Variants in SUCLG2 observed in about 807,000 individuals in gnomAD.
The protein encoded by SUCLG2 is succinate--CoA ligase [GDP-forming] subunit beta, mitochondrial.
SUCLG2 carries 42 observed loss-of-function variants against 47.9 expected under a neutral mutation model. The ratio of observed to expected loss-of-function variants is 0.88; its 90% confidence interval spans 0.69 to 1.14. SUCLG2 has a LOEUF of 1.14. SUCLG2 is among the 50% of genes most tolerant of loss of function. The probability of loss-of-function intolerance (pLI) is 0.00; values close to 1 mark genes in which losing one functional copy is unlikely to be tolerated. For missense variants in SUCLG2, 571 were observed against 525.9 expected, an observed-to-expected ratio of 1.09 and a Z score of -0.84; for synonymous variants, 195 against 197.3, an observed-to-expected ratio of 0.99 and a Z score of 0.10.
chr3:67,586,123 T>C (rs966539388), intron 2 of SUCLG2, among the ~76,000 whole-genome samples: 5 of 152,222 alleles, frequency 3.3e-5, no homozygotes, highest in Non-Finnish European at 7.3e-5. Flanking sequence ...CTTGTGCAGT[T>C]AAATAAATAG....
At chr3:67,611,871 C>A (rs1426676199) in intron 1 of SUCLG2, among the ~76,000 whole-genome samples, 4 of 152,186 alleles carry the variant, frequency 2.6e-5, no homozygotes, top group African/African-American at 9.6e-5. Context: ...TGAAAGCCAG[C>A]TTGAAGTCTG....
At chr3:67,400,058 A>G (rs1369469887) in intron 10 of SUCLG2, among the ~76,000 whole-genome samples, 1 of 152,118 alleles carries the variant, frequency 6.6e-6, no homozygotes, top group Non-Finnish European at 1.5e-5. Flanking sequence ...AACTACTCCC[A>G]TTTTGAAAAA....
chr3:67,593,613 T>C (rs1268177959), intron 2 of SUCLG2, among the ~76,000 whole-genome samples: 1 of 152,156 alleles, frequency 6.6e-6, no homozygotes, highest in Non-Finnish European at 1.5e-5. Context: ...TGACAGCTGA[T>C]CTCTTTCTCA....
At chr3:67,466,566 A>C (rs916725669) in intron 9 of SUCLG2, among the ~76,000 whole-genome samples, 2 of 152,188 alleles carry the variant, frequency 1.3e-5, no homozygotes, top group Non-Finnish European at 2.9e-5. Flanking sequence ...GCTTAATCTG[A>C]TGTTGTGCTA....
intron 9 of SUCLG2, among the ~76,000 whole-genome samples, chr3:67,446,683 C>T (rs950812813): frequency 6.6e-6 from 1 of 151,564 alleles, no homozygotes; most frequent in Non-Finnish European, 1.5e-5. Context: ...GTGCCCGCCT[C>T]GGCCTCCCAA....
chr3:67,444,174 C>A (rs1331673575), intron 9 of SUCLG2, among the ~76,000 whole-genome samples: 1 of 55,642 alleles, frequency 1.8e-5, no homozygotes, highest in East Asian at 1.0e-3. Flanking sequence ...GTCAGCCCCC[C>A]GCCCGGCCAG....
At chr3:67,592,740 C>CAAAA (rs1187452813) in intron 2 of SUCLG2, among the ~76,000 whole-genome samples, 5 of 51,848 alleles carry the variant, frequency 9.6e-5, no homozygotes, top group African/African-American at 3.1e-4. Context: ...AAAAAAACAA[C>CAAAA]AAAAAAAAAC....
intron 2 of SUCLG2, among the ~76,000 whole-genome samples, chr3:67,603,779 C>T (rs1708472014): frequency 6.6e-6 from 1 of 152,118 alleles, no homozygotes; most frequent in South Asian, 2.1e-4. Context: ...TTTTTTAAGA[C>T]AGGTATTTCC....
chr3:67,643,421 G>A (rs1431270611), intron 1 of SUCLG2, among the ~76,000 whole-genome samples: 3 of 152,270 alleles, frequency 2.0e-5, no homozygotes, highest in Admixed American at 1.3e-4. Flanking sequence ...GTAACCTGAA[G>A]TATGCTGAAC....
Position 67,394,490 on chromosome 3 carries a change from T to A in SUCLG2, c.1183+6241A>T, listed in dbSNP as rs62256374. On this transcript the variant is annotated intron_variant, in intron 10 of 10. Transcript: ENST00000307227. Reference sequence around the variant, plus strand: ...TTAGAGAAAAAAGAATAAAAAGAAATGAACAAAGCCTCCAAGAAATATGGG... The same window carrying A: ...TTAGAGAAAAAAGAATAAAAAGAAAAGAACAAAGCCTCCAAGAAATATGGG... 9.0e-3 allele frequency among the ~76,000 whole-genome samples: 1,290 copies of A among 143,674 alleles called. 54 individuals are homozygous for A. The highest frequency in any genetic ancestry group is 0.03 in the African/African-American group (1,168 of 38,820). The allele number at this position is 143,674 out of a possible 152,430, so 94.3% of individuals were successfully genotyped here.
chr3:67,529,167 T>A lies in SUCLG2; in HGVS notation c.246A>T (p.Leu82Phe). The change falls in exon 3 of 11, where the codon TTA becomes TTT. Residue 82 changes from leucine to phenylalanine, a missense_variant. Coordinates refer to ENST00000307227, the MANE Select transcript of SUCLG2 (RefSeq NM_003848.4). ...AKRLNAKEIV[L>F]KAQILAGGRG... is the part of the protein sequence containing the mutation. ...TTCCTCCAGCTAAGATCTGGGCTTT[T>A]AAAACAATTTCTTTTGCATCTGAAA... 6.2e-7 allele frequency: 1 copy of A among 1,610,846 alleles called. No homozygotes were observed. The highest frequency in any genetic ancestry group is 1.3e-5 in the African/African-American group (1 of 74,776).
At chr3:67,520,394 G>A (rs578056567) in intron 5 of SUCLG2, 88 bp downstream of exon 5, 1 of 1,565,106 alleles carries the variant, frequency 6.4e-7, no homozygotes, top group African/African-American at 1.4e-5. Context: ...CAGATTTAGT[G>A]CTCCTGGCCT....
intron 1 of SUCLG2, among the ~76,000 whole-genome samples, chr3:67,643,763 G>A (rs543159721): frequency 2.0e-5 from 3 of 152,064 alleles, no homozygotes; most frequent in African/African-American, 4.8e-5. Context: ...TGCAACCTCC[G>A]CCTCCCAGGT....
intron 2 of SUCLG2, among the ~76,000 whole-genome samples, chr3:67,572,978 G>A (rs1253575882): frequency 1.3e-5 from 2 of 151,852 alleles, no homozygotes; most frequent in Non-Finnish European, 2.9e-5. Flanking sequence ...AAGGTCACAG[G>A]ATACAAAATA....
intron 1 of SUCLG2, among the ~76,000 whole-genome samples, chr3:67,625,598 T>C (rs1295031396): frequency 6.6e-6 from 1 of 152,116 alleles, no homozygotes; most frequent in Non-Finnish European, 1.5e-5. Context: ...AGCTCAAAAT[T>C]AAAATTGATC....
chr3:67,368,866 A>G (rs1449289696), intron 10 of SUCLG2, among the ~76,000 whole-genome samples: 1 of 152,182 alleles, frequency 6.6e-6, no homozygotes, highest in Non-Finnish European at 1.5e-5. Flanking sequence ...TCAACCTCCC[A>G]AAGTGCTGGG....
intron 10 of SUCLG2, among the ~76,000 whole-genome samples, chr3:67,384,564 C>G (rs1702222340): frequency 6.6e-6 from 1 of 152,208 alleles, no homozygotes; most frequent in African/African-American, 2.4e-5. Context: ...TCTATACAAT[C>G]CAAATTTCTG....
At chr3:67,395,231 T>A (rs1443615256) in intron 10 of SUCLG2, among the ~76,000 whole-genome samples, 3 of 151,702 alleles carry the variant, frequency 2.0e-5, no homozygotes, top group Admixed American at 6.6e-5. Context: ...GACTGGCAAA[T>A]TGGATAAAGA....
chr3:67,406,986 G>C (rs1342705392), intron 9 of SUCLG2, among the ~76,000 whole-genome samples: 2 of 152,150 alleles, frequency 1.3e-5, no homozygotes, highest in Admixed American at 1.3e-4. Context: ...GCTGGATAAT[G>C]ATAAAGGAGC....
Sources: allele counts gnomAD v4.1 joint callset (sites outside exome capture counted in the v4.1 genomes callset), GRCh38; gene constraint gnomAD v4.1.1; transcripts MANE v1.5; gene names NCBI Gene and HGNC (gene_info 2026-07-23, HGNC 2026-07-21).